The following ZNF681 variants were observed in gnomAD, a reference collection of about 807,000 sequenced individuals.
ZNF681 encodes the protein hypothetical protein FLJ31526.
Under a neutral mutation model 56.0 loss-of-function variants are expected in ZNF681, and 37 were observed. That is an observed-to-expected ratio of 0.66 (90% confidence interval 0.51 to 0.87). The LOEUF (loss-of-function observed/expected upper bound fraction) is 0.87, where lower values mean the gene tolerates loss of function less well. Among genes scored for constraint, ZNF681 ranks in the 40% least tolerant of loss-of-function variants. ZNF681 has a pLI of 0.00. For synonymous variants in ZNF681, 225 were observed against 248.6 expected, an observed-to-expected ratio of 0.91 and a Z score of 0.89; for missense variants, 741 against 744.9, an observed-to-expected ratio of 0.99 and a Z score of 0.06.
chr19:23,752,771 G>A (rs1180868779), intron 3 of ZNF681, among the ~76,000 whole-genome samples: 1 of 151,932 alleles, frequency 6.6e-6, no homozygotes, highest in Non-Finnish European at 1.5e-5. Flanking sequence ...TCTGAAAACA[G>A]GTTATAAAAA....
In ZNF681 at chr19:23,744,270, C is replaced by T. The variant is rs774150317; in HGVS notation, c.1280G>A (p.Cys427Tyr). The T allele has an allele frequency of 1.2e-6, 2 of 1,613,632 alleles. No individual in the cohort carries two copies. The highest frequency in any genetic ancestry group is 4.5e-5 in the East Asian group (2 of 44,856). Residue 427 changes from cysteine to tyrosine, a missense_variant, in exon 4 of 4, where the codon TGT becomes TAT. Physicochemically the swap from Cys to Tyr is radical, Grantham distance 194 (BLOSUM62 -2). Coordinates refer to ENST00000402377, the MANE Select transcript of ZNF681 (RefSeq NM_138286.3). Reference protein sequence around the residue: ...TGEKPYQCEKCGKASNQSSNL... With the variant: ...TGEKPYQCEKYGKASNQSSNL... The stretch of plus-strand genomic sequence containing the variant: ...TGAGGATTGGTTAGAAGCTTTGCCA[C>T]ATTTTTCACACTGGTAGGGTTTTTC...
chr19:23,752,977 G>C (rs1429664974), intron 3 of ZNF681, among the ~76,000 whole-genome samples: 1 of 151,644 alleles, frequency 6.6e-6, no homozygotes, highest in African/African-American at 2.4e-5. Flanking sequence ...GATAGTATAT[G>C]TGTATATATA....
Position 23,744,557 on chromosome 19 carries a change from A to G in ZNF681, c.993T>C (p.Ile331=). The change falls in exon 4 of 4, where the codon ATT becomes ATC. Residue 331 remains isoleucine (I), a synonymous_variant. Coordinates refer to ENST00000402377, the MANE Select transcript of ZNF681 (RefSeq NM_138286.3). ...QSSHLTRHKI[I]HTGEKPYKCE... ...ATTTGTAGGGTTTCTCTCCAGTATG[A>G]ATTATCTTATGTCTGGTAAGGTGTG... The G allele has an allele frequency of 6.2e-7, 1 of 1,613,762 alleles. No individual in the cohort carries two copies. The highest frequency in any genetic ancestry group is 8.5e-7 in the Non-Finnish European group (1 of 1,179,844).
chr19:23,758,681 C>T (rs906521853), intron 1 of ZNF681, 66 bp downstream of exon 1: 4 of 1,612,036 alleles, frequency 2.5e-6, no homozygotes, highest in Admixed American at 1.7e-5. Context: ...GAGCTGACTG[C>T]GGCGAGGTCT....
rs1968852945 is a variant in ZNF681 at position 23,739,521 on chromosome 19, T to TA, written c.*4090dup. The TA allele has an allele frequency of 6.6e-6, 1 of 152,200 alleles. No individual in the cohort carries two copies. Among genetic ancestry groups the TA allele is most frequent in the Non-Finnish European group, 1.5e-5 (1 of 68,026 alleles). The allele number at this position is 152,200 out of a possible 1,614,324, so 9.4% of individuals were successfully genotyped here. A position where few individuals can be genotyped will look rare whatever the true frequency, so the allele number is the denominator to read the frequency against. On this transcript the variant is annotated 3_prime_UTR_variant, in exon 4 of 4. Coordinates refer to ENST00000402377, the MANE Select transcript of ZNF681 (RefSeq NM_138286.3). ...ATGTTAACTATGTTAGGTAAAGCAT[T>TA]AATTACCTAGAATGAAGCATTTGAC...
At position 23,755,498 on chromosome 19, in the gene ZNF681, T is replaced by C; in HGVS notation, c.57A>G (p.Gln19=). Residue 19 remains glutamine (Q), a synonymous_variant, in exon 2 of 4, where the codon CAA becomes CAG. Coordinates refer to ENST00000402377, the MANE Select transcript of ZNF681 (RefSeq NM_138286.3). ...VAIEFSLEEW[Q]CLDTIQQNLY... ...AATTCTGCTGTATAGTGTCCAGGCA[T>C]TGCCACTCCTCCAGAGAGAATTCTA... is the stretch of plus-strand genomic sequence containing the variant. 3.1e-6 allele frequency: 5 copies of C among 1,608,120 alleles called. No homozygotes were observed. The highest frequency in any genetic ancestry group is 3.4e-6 in the Non-Finnish European group (4 of 1,177,268).
chr19:23,749,968 C>G (rs142176979), intron 3 of ZNF681, among the ~76,000 whole-genome samples: 1 of 150,542 alleles, frequency 6.6e-6, no homozygotes, highest in Non-Finnish European at 1.5e-5. Context: ...CAAGATAAAA[C>G]AATCACTGAA....
At chr19:23,755,880 G>A (rs911677043) in intron 1 of ZNF681, among the ~76,000 whole-genome samples, 1 of 152,078 alleles carries the variant, frequency 6.6e-6, no homozygotes, top group Admixed American at 6.6e-5. Flanking sequence ...AAATATGAAT[G>A]CTTTTACACT....
In ZNF681 at chr19:23,743,888, T is replaced by C; in HGVS notation, c.1662A>G (p.Val554=). The change falls in exon 4 of 4, where the codon GTA becomes GTG. Residue 554 remains valine, a synonymous_variant. Coordinates refer to ENST00000402377, the MANE Select transcript of ZNF681 (RefSeq NM_138286.3). ...GGTAGGGTTTCTCTCCAGTATGAAT[T>C]ACCTTATGTGTAGCAAGATGTGAGG... ...NHSSHLATHK[V]IHTGEKPYQC... is the part of the protein sequence containing the mutation. 1 of 1,601,106 alleles carries C rather than the reference T, an allele frequency of 6.2e-7. No homozygotes were observed. Among genetic ancestry groups the C allele is most frequent in the Non-Finnish European group, 8.5e-7 (1 of 1,170,716 alleles).
intron 3 of ZNF681, among the ~76,000 whole-genome samples, chr19:23,746,617 C>G (rs764382511): frequency 2.0e-5 from 3 of 152,172 alleles, no homozygotes; most frequent in Non-Finnish European, 4.4e-5. Flanking sequence ...AATTTGCCCC[C>G]ATGACTAGAA....
intron 3 of ZNF681, among the ~76,000 whole-genome samples, chr19:23,754,045 T>A (rs557455181): frequency 9.6e-4 from 146 of 151,428 alleles, no homozygotes; most frequent in African/African-American, 3.4e-3. Context: ...CTGAACGACA[T>A]CATACTTTAT....
chr19:23,750,074 C>T (rs940013416), intron 3 of ZNF681, among the ~76,000 whole-genome samples: 13 of 151,164 alleles, frequency 8.6e-5, no homozygotes, highest in Admixed American at 8.6e-4. Flanking sequence ...CACCTGAGGT[C>T]GGAAGTTCTA....
chr19:23,756,335 A>C (rs1481888918), intron 1 of ZNF681, among the ~76,000 whole-genome samples: 1 of 151,948 alleles, frequency 6.6e-6, no homozygotes, highest in Non-Finnish European at 1.5e-5. Flanking sequence ...CCCCCAAAAA[A>C]AGACACATAT....
At chr19:23,751,937 T>C (rs1196256121) in intron 3 of ZNF681, among the ~76,000 whole-genome samples, 2 of 152,184 alleles carry the variant, frequency 1.3e-5, no homozygotes, top group African/African-American at 2.4e-5. Flanking sequence ...TCCGCCCACC[T>C]TGGCCTCCCA....
intron 3 of ZNF681, among the ~76,000 whole-genome samples, chr19:23,750,074 C>A (rs940013416): frequency 6.6e-6 from 1 of 151,164 alleles, no homozygotes; most frequent in South Asian, 2.1e-4. Flanking sequence ...CACCTGAGGT[C>A]GGAAGTTCTA....
intron 3 of ZNF681, among the ~76,000 whole-genome samples, chr19:23,750,611 G>T (rs1482910741): frequency 6.6e-6 from 1 of 152,048 alleles, no homozygotes; most frequent in Non-Finnish European, 1.5e-5. Flanking sequence ...GGAGACTGAG[G>T]TGGACAAATC....
chr19:23,758,586 G>A (rs1325154581), intron 1 of ZNF681, among the ~76,000 whole-genome samples, 161 bp downstream of exon 1: 1 of 152,198 alleles, frequency 6.6e-6, no homozygotes, highest in African/African-American at 2.4e-5. Context: ...GACGCCCGGG[G>A]GGCTGGCTGT....
In ZNF681 at chr19:23,744,517, T is replaced by A; in HGVS notation, c.1033A>T (p.Lys345Ter). Residue 345 changes from lysine (K) to a stop codon, truncating the protein, a stop_gained, in exon 4 of 4, where the codon AAA (lysine) becomes TAA (stop). Coordinates refer to ENST00000402377, the MANE Select transcript of ZNF681 (RefSeq NM_138286.3). LOFTEE classifies it high-confidence loss of function. Reference protein sequence around the residue: ...EKPYKCEECGKAFNQSSHLTR... With the variant: ...EKPYKCEECG ...AGGTGTGAGGACTGGTTAAAGGCTT[T>A]GCCACATTCTTCACATTTGTAGGGT... 1 of 1,613,178 alleles carries A rather than the reference T, an allele frequency of 6.2e-7. No homozygotes were observed. Among genetic ancestry groups the A allele is most frequent in the Non-Finnish European group, 8.5e-7 (1 of 1,179,446 alleles).
rs911191956 is a variant in ZNF681, at chr19:23,743,795, A to C, written c.1755T>G (p.Thr585=). Residue 585 remains threonine (T), a synonymous_variant, in exon 4 of 4, where the codon ACT becomes ACG. Transcript: ENST00000402377. The part of the protein sequence containing the change: ...SHLTRHKRIH[T]GEKPYQCEKC... ...TTTCACATTGGTAGGGTTTCTCTCC[A>C]GTATGAATTCTCTTATGTCTAGTAA... 6.2e-7 allele frequency: 1 copy of C among 1,613,512 alleles called. No homozygotes were observed. Among genetic ancestry groups the C allele is most frequent in the Non-Finnish European group, 8.5e-7 (1 of 1,179,814 alleles).
Sources: allele counts gnomAD v4.1 joint callset (sites outside exome capture counted in the v4.1 genomes callset), GRCh38; gene constraint gnomAD v4.1.1; transcripts MANE v1.5; gene names NCBI Gene and HGNC (gene_info 2026-07-23, HGNC 2026-07-21).